Variants in MALRD1 observed in about 807,000 individuals in gnomAD.
MALRD1 encodes MAM and LDL-receptor class A domain-containing protein 1.
Under a neutral mutation model 242.1 loss-of-function variants are expected in MALRD1, and 247 were observed. The ratio of observed to expected loss-of-function variants is 1.02; its 90% CI spans 0.92 to 1.13. The LOEUF is 1.13. Ranked by LOEUF, MALRD1 falls within the 50% of genes most tolerant of loss-of-function variation. The pLI, the probability that MALRD1 is intolerant of heterozygous loss-of-function variation, is 0.00. For synonymous variants in MALRD1, 995 were observed against 866.6 expected, an observed-to-expected ratio of 1.15 and a Z score of -2.60; for missense variants, 2,989 against 2,533.1, an observed-to-expected ratio of 1.18 and a Z score of -3.86.
At chr10:19,445,805 A>G (rs1834941399) in intron 28 of MALRD1, among the ~76,000 whole-genome samples, 1 of 152,190 alleles carries the variant, frequency 6.6e-6, no homozygotes, top group Non-Finnish European at 1.5e-5. Flanking sequence ...TGCTGGGAGA[A>G]CCACTACTGT....
At chr10:19,100,703 G>A (rs1836218997) in intron 4 of MALRD1, among the ~76,000 whole-genome samples, 1 of 152,122 alleles carries the variant, frequency 6.6e-6, no homozygotes, top group African/African-American at 2.4e-5. Context: ...TGTCCAGCAG[G>A]CTGTGGAAAC....
intron 2 of MALRD1, among the ~76,000 whole-genome samples, chr10:19,067,428 C>T (rs1835014174): frequency 6.6e-6 from 1 of 152,082 alleles, no homozygotes; most frequent in Admixed American, 6.6e-5. Flanking sequence ...GATTCCATGC[C>T]TGCCCTCATC....
chr10:19,387,723 C>G lies in MALRD1; in HGVS notation c.4637C>G (p.Ser1546Cys), dbSNP rs911000982. Reference sequence around the variant, plus strand: ...TTTGATTGGGTTTTAGGGGTTGGCTCTCATCAAAGCTTAAGACCTCCCAAA... The same window carrying G: ...TTTGATTGGGTTTTAGGGGTTGGCTGTCATCAAAGCTTAAGACCTCCCAAA... ...DNFDWVLGVG[S>C]HQSLRPPKDH... The change falls in exon 27 of 40, where the codon TCT becomes TGT. Residue 1546 changes from serine to cysteine, a missense_variant. Coordinates refer to ENST00000454679, the MANE Select transcript of MALRD1 (RefSeq NM_001142308.3). 5 of 1,550,350 alleles carry G rather than the reference C, an allele frequency of 3.2e-6. No homozygotes were observed. The South Asian group carries it at 3.6e-5, about 11-fold the overall frequency.
In MALRD1 at chr10:19,399,741, GT is replaced by G. The variant is rs560177492; in HGVS notation, c.4845+10136del. 3.3e-3 allele frequency among the ~76,000 whole-genome samples: 508 copies of G among 152,188 alleles called. 4 individuals carry two copies. The highest frequency in any genetic ancestry group is 0.012 in the African/African-American group (491 of 41,528). ...TGAGGGAATTTTAATTAAAATAAAT[GT>G]TTTAAACTTTTTTTAACAAATAAAG... On this transcript the variant is annotated intron_variant, in intron 28 of 39. Coordinates refer to ENST00000454679, the MANE Select transcript of MALRD1 (RefSeq NM_001142308.3).
chr10:19,522,209 ATGT>A (rs1428961714), intron 31 of MALRD1, among the ~76,000 whole-genome samples: 2 of 152,046 alleles, frequency 1.3e-5, no homozygotes, highest in Admixed American at 6.6e-5. Flanking sequence ...TTTAATTCTT[ATGT>A]TCTTCTTCTA....
In MALRD1 at chr10:19,309,716, A is replaced by T. The variant is rs1157513975; in HGVS notation, c.3420-14233A>T. Among the ~76,000 whole-genome samples the T allele has an allele frequency of 9.9e-5, 15 of 151,386 alleles. No individual in the cohort carries two copies. In the South Asian group the frequency reaches 2.5e-3, roughly 25 times the overall value. On this transcript the variant is annotated intron_variant, in intron 21 of 39. Transcript: ENST00000454679. ...TTTGTAAAAACAGGGATCAATGAAG[A>T]GTCCTAGGTTAACTGTACAGTGGTG...
intron 12 of MALRD1, among the ~76,000 whole-genome samples, chr10:19,158,934 A>G (rs1384444848): frequency 2.6e-5 from 4 of 152,256 alleles, no homozygotes; most frequent in Admixed American, 2.6e-4. Context: ...ATGTCCTGCA[A>G]TGGTGCAGTT....
At position 19,688,266 on chromosome 10, in the gene MALRD1, C is replaced by T. The variant is rs545241290; in HGVS notation, c.6138-4016C>T. ...GATTACAGGCATGAGCCACTGTGCC[C>T]GGCCTATTATTATTATTATCTGAGA... On this transcript the variant is annotated intron_variant, in intron 36 of 39. Transcript: ENST00000454679. Among the ~76,000 whole-genome samples the T allele has an allele frequency of 4.6e-5, 7 of 152,150 alleles. No individual in the cohort carries two copies. The East Asian group carries it at 7.7e-4, about 17-fold the overall frequency.
intron 1 of MALRD1, among the ~76,000 whole-genome samples, chr10:19,063,157 A>C (rs371173504): frequency 6.6e-6 from 1 of 152,182 alleles, no homozygotes; most frequent in African/African-American, 2.4e-5. Flanking sequence ...CCCCCAAAAA[A>C]AAAGTTTATG....
At chr10:19,622,574 T>A (rs915876849) in intron 36 of MALRD1, among the ~76,000 whole-genome samples, 2 of 151,354 alleles carry the variant, frequency 1.3e-5, no homozygotes, top group Admixed American at 1.3e-4. Context: ...ACCTACAAGG[T>A]TTTCATAGGG....
At chr10:19,603,802 C>G (rs1158129844) in intron 34 of MALRD1, among the ~76,000 whole-genome samples, 2 of 152,134 alleles carry the variant, frequency 1.3e-5, no homozygotes, top group African/African-American at 4.8e-5. Context: ...GATCTGTGAT[C>G]AGTGATCTTT....
At chr10:19,730,338 CCTTT>C (rs1353119765) in intron 38 of MALRD1, among the ~76,000 whole-genome samples, 2 of 152,114 alleles carry the variant, frequency 1.3e-5, no homozygotes, top group Non-Finnish European at 2.9e-5. Flanking sequence ...TTCAAGATGG[CCTTT>C]CTTTATCACT....
At chr10:19,464,699 T>G (rs536244673) in intron 29 of MALRD1, among the ~76,000 whole-genome samples, 3 of 152,208 alleles carry the variant, frequency 2.0e-5, no homozygotes, top group Non-Finnish European at 2.9e-5. Flanking sequence ...TGTGGGCTCT[T>G]TTCTGTTCCA....
chr10:19,057,871 T>G (rs901845257), intron 1 of MALRD1, among the ~76,000 whole-genome samples: 1 of 152,226 alleles, frequency 6.6e-6, no homozygotes, highest in African/African-American at 2.4e-5. Flanking sequence ...TAGTGTAGCA[T>G]GTAAACTACA....
chr10:19,489,649 G>A (rs1442834812), intron 29 of MALRD1, among the ~76,000 whole-genome samples: 1 of 152,016 alleles, frequency 6.6e-6, no homozygotes, highest in African/African-American at 2.4e-5. Flanking sequence ...TTGAATTATG[G>A]GATGCTTTCA....
intron 28 of MALRD1, among the ~76,000 whole-genome samples, chr10:19,447,284 T>C (rs887505016): frequency 2.0e-5 from 3 of 152,196 alleles, no homozygotes; most frequent in African/African-American, 4.8e-5. Context: ...AATGAATGAA[T>C]GGATAAGGAA....
chr10:19,454,051 C>A (rs1490353124), intron 29 of MALRD1, among the ~76,000 whole-genome samples: 1 of 151,988 alleles, frequency 6.6e-6, no homozygotes, highest in Non-Finnish European at 1.5e-5. Context: ...CAGAGTCAGA[C>A]CCTGTCTCAA....
chr10:19,296,176 AT>A (rs1448440850), intron 21 of MALRD1, among the ~76,000 whole-genome samples: 1 of 152,112 alleles, frequency 6.6e-6, no homozygotes, highest in African/African-American at 2.4e-5. Flanking sequence ...TCCAGGGAAT[AT>A]TTCATGCTCC....
At chr10:19,055,087 G>C (rs1366717070) in intron 1 of MALRD1, among the ~76,000 whole-genome samples, 1 of 152,170 alleles carries the variant, frequency 6.6e-6, no homozygotes, top group Admixed American at 6.5e-5. Flanking sequence ...TTTGATAAAA[G>C]CCATTCTAAC....
Sources: gnomAD v4.1 joint callset for allele counts (sites outside exome capture counted in the v4.1 genomes callset) on GRCh38, gnomAD v4.1.1 for gene constraint, MANE v1.5 for transcripts, NCBI Gene and HGNC (gene_info 2026-07-23, HGNC 2026-07-21) for gene names.